The following HTR7 variants were observed in gnomAD, a reference collection of about 807,000 sequenced individuals.
HTR7 encodes 5-HT-7.
HTR7 carries 16 observed loss-of-function variants against 34.0 expected under a neutral mutation model. The observed-to-expected ratio is 0.47, with a 90% CI of 0.32 to 0.71. HTR7 has a LOEUF of 0.71. Ranked by LOEUF, HTR7 falls within the 30% of genes least tolerant of loss-of-function variation. The probability of loss-of-function intolerance (pLI) is 0.04; values close to 1 mark genes in which losing one functional copy is unlikely to be tolerated. For synonymous variants in HTR7, 265 were observed against 260.2 expected (o/e 1.02, Z -0.18); for missense variants, 504 against 625.5 (o/e 0.81, Z 2.07).
intron 2 of HTR7, among the ~76,000 whole-genome samples, chr10:90,746,106 G>A (rs1475047628): frequency 1.3e-5 from 2 of 152,146 alleles, no homozygotes; most frequent in African/African-American, 2.4e-5. Flanking sequence ...GACTGTGGGG[G>A]AAATCATTTG....
chr10:90,758,712 C>A (rs1208362714), intron 1 of HTR7, among the ~76,000 whole-genome samples: 4 of 152,000 alleles, frequency 2.6e-5, no homozygotes, highest in Non-Finnish European at 5.9e-5. Flanking sequence ...GAATTATTAT[C>A]CATGATACTT....
intron 1 of HTR7, among the ~76,000 whole-genome samples, chr10:90,846,290 G>T (rs542971769): frequency 6.6e-6 from 1 of 152,254 alleles, no homozygotes; most frequent in Non-Finnish European, 1.5e-5. Flanking sequence ...ATGAGGTCAG[G>T]TGTGAAATTT....
At chr10:90,848,533 A>G (rs1003289363) in intron 1 of HTR7, among the ~76,000 whole-genome samples, 3 of 152,230 alleles carry the variant, frequency 2.0e-5, no homozygotes, top group African/African-American at 7.2e-5. Context: ...ATTTGTAACC[A>G]TAAAATATTT....
intron 1 of HTR7, among the ~76,000 whole-genome samples, chr10:90,833,417 G>C (rs1299576494): frequency 6.6e-6 from 1 of 152,206 alleles, no homozygotes; most frequent in African/African-American, 2.4e-5. Flanking sequence ...TCCAGGTTCT[G>C]ACTCTGGGTA....
chr10:90,806,830 C>G (rs1462006741), intron 1 of HTR7, among the ~76,000 whole-genome samples: 1 of 152,020 alleles, frequency 6.6e-6, no homozygotes, highest in African/African-American at 2.4e-5. Context: ...GGGCCTTGGC[C>G]AAACCAAGTT....
At chr10:90,801,840 G>C (rs1299354397) in intron 1 of HTR7, among the ~76,000 whole-genome samples, 1 of 152,208 alleles carries the variant, frequency 6.6e-6, no homozygotes, top group African/African-American at 2.4e-5. Context: ...TTGTCTCAAA[G>C]TTTTGATTAT....
chr10:90,767,920 C>G (rs1845048203), intron 1 of HTR7, among the ~76,000 whole-genome samples: 1 of 152,138 alleles, frequency 6.6e-6, no homozygotes, highest in African/African-American at 2.4e-5. Context: ...AAGACTTCCC[C>G]TTGGAGCTCC....
chr10:90,825,016 T>C (rs1358519802), intron 1 of HTR7, among the ~76,000 whole-genome samples: 5 of 152,194 alleles, frequency 3.3e-5, no homozygotes, highest in Admixed American at 6.5e-5. Context: ...GTGGTTACAG[T>C]GGGCCTTGGG....
chr10:90,829,191 T>C (rs1390179657), intron 1 of HTR7, among the ~76,000 whole-genome samples: 2 of 152,122 alleles, frequency 1.3e-5, no homozygotes, highest in Admixed American at 1.3e-4. Context: ...TTGATAAAAT[T>C]CAGGATCCCT....
chr10:90,779,159 C>T (rs1463861260), intron 1 of HTR7, among the ~76,000 whole-genome samples: 2 of 152,134 alleles, frequency 1.3e-5, no homozygotes, highest in African/African-American at 4.8e-5. Flanking sequence ...AGGAGCCATC[C>T]CTGAAGAAAC....
At chr10:90,794,188 A>G (rs1801711926) in intron 1 of HTR7, among the ~76,000 whole-genome samples, 1 of 152,230 alleles carries the variant, frequency 6.6e-6, no homozygotes, top group African/African-American at 2.4e-5. Flanking sequence ...CTCGGCCTAC[A>G]CAGGGTCAGG....
At chr10:90,813,807 G>A (rs939821217) in intron 1 of HTR7, among the ~76,000 whole-genome samples, 1 of 152,128 alleles carries the variant, frequency 6.6e-6, no homozygotes. Context: ...ACAGCATGGC[G>A]CTGGCCAGGC....
chr10:90,829,649 A>C (rs1423231681), intron 1 of HTR7, among the ~76,000 whole-genome samples: 1 of 152,198 alleles, frequency 6.6e-6, no homozygotes, highest in East Asian at 1.9e-4. Flanking sequence ...GAAAGATATA[A>C]GAGGCATTCA....
intron 1 of HTR7, among the ~76,000 whole-genome samples, chr10:90,782,117 T>C (rs146960371): frequency 1.3e-5 from 2 of 152,276 alleles, no homozygotes; most frequent in Non-Finnish European, 2.9e-5. Context: ...GATACCACCC[T>C]AGCAGAGTTC....
intron 1 of HTR7, among the ~76,000 whole-genome samples, chr10:90,777,741 C>G (rs1448820526): frequency 6.6e-6 from 1 of 152,164 alleles, no homozygotes; most frequent in Admixed American, 6.5e-5. Flanking sequence ...CTAAACAAAA[C>G]CAGATAACCA....
chr10:90,751,703 G>C (rs940183048), intron 1 of HTR7, among the ~76,000 whole-genome samples: 2 of 152,132 alleles, frequency 1.3e-5, no homozygotes, highest in African/African-American at 4.8e-5. Flanking sequence ...TGACAAAAAA[G>C]GTTGTATTTT....
intron 1 of HTR7, among the ~76,000 whole-genome samples, chr10:90,795,518 A>G (rs1243357588): frequency 6.6e-6 from 1 of 152,234 alleles, no homozygotes; most frequent in African/African-American, 2.4e-5. Flanking sequence ...GTGTGAAACT[A>G]GAAGTAAGAA....
rs533100360 is a variant in HTR7 at position 90,760,360 on chromosome 10, G to A, written c.540-10766C>T. Among the ~76,000 whole-genome samples the A allele has an allele frequency of 9.1e-4, 139 of 152,240 alleles. 1 individual carries two copies. Among genetic ancestry groups the A allele is most frequent in the African/African-American group, 3.2e-3 (131 of 41,546 alleles). On this transcript the variant is annotated intron_variant, in intron 1 of 3. Transcript: ENST00000336152. ...GCTGGGAAGGGTAGGAGGAAAGAAC[G>A]ATATACAAAGATTTGTTAAAGGATA...
At chr10:90,768,981 C>T (rs971362610) in intron 1 of HTR7, among the ~76,000 whole-genome samples, 3 of 152,156 alleles carry the variant, frequency 2.0e-5, no homozygotes, top group African/African-American at 7.2e-5. Flanking sequence ...CAGCACAGTA[C>T]TGATGATTCC....
Sources: allele counts gnomAD v4.1 joint callset (sites outside exome capture counted in the v4.1 genomes callset), GRCh38; gene constraint gnomAD v4.1.1; transcripts MANE v1.5; gene names NCBI Gene and HGNC (gene_info 2026-07-23, HGNC 2026-07-21).